The following DYM variants were observed in gnomAD, a reference collection of about 807,000 sequenced individuals.
The protein encoded by DYM is dyggve-Melchior-Clausen syndrome protein.
In DYM, 78 loss-of-function variants were observed where a neutral mutation model predicts 93.1. The ratio of observed to expected loss-of-function variants is 0.84; its 90% CI spans 0.70 to 1.01. The LOEUF is 1.01. DYM is among the 50% of genes least tolerant of loss of function. The pLI is 0.00. For synonymous variants in DYM, 321 were observed against 319.7 expected (o/e 1.00, Z -0.04); for missense variants, 789 against 845.0 (o/e 0.93, Z 0.82).
chr18:49,441,173 A>AATATAATATATATTATATATTATAT (rs2081483066), intron 1 of DYM, among the ~76,000 whole-genome samples: 2 of 19,686 alleles, frequency 1.0e-4, no homozygotes, highest in African/African-American at 1.8e-4. Flanking sequence ...TATATTATAT[A>AATATAATATATATTATATATTATAT]ATTATATATT....
intron 6 of DYM, among the ~76,000 whole-genome samples, chr18:49,345,196 A>C (rs989809499): frequency 4.6e-5 from 7 of 152,152 alleles, no homozygotes; most frequent in African/African-American, 1.7e-4. Flanking sequence ...CAGTTGTTAT[A>C]ATTTCCCACC....
At chr18:49,272,106 G>C in intron 11 of DYM, 72 bp downstream of exon 11, 1 of 1,332,866 alleles carries the variant, frequency 7.5e-7, no homozygotes, top group Admixed American at 1.8e-5. Context: ...GAAATGTAAA[G>C]ACTAGTAAAT....
intron 1 of DYM, among the ~76,000 whole-genome samples, chr18:49,452,143 T>C (rs2082569054): frequency 6.6e-6 from 1 of 152,228 alleles, no homozygotes; most frequent in Non-Finnish European, 1.5e-5. Flanking sequence ...CAAGGCGGCA[T>C]GTCCAGAGTT....
chr18:49,237,009 C>G (rs2093886948), intron 13 of DYM, among the ~76,000 whole-genome samples: 1 of 152,190 alleles, frequency 6.6e-6, no homozygotes, highest in Admixed American at 6.5e-5. Context: ...GAGAGAAACT[C>G]TCCTGCAGTT....
intron 14 of DYM, among the ~76,000 whole-genome samples, chr18:49,172,398 T>G (rs999742236): frequency 6.6e-6 from 1 of 151,986 alleles, no homozygotes; most frequent in African/African-American, 2.4e-5. Context: ...TTTGTTTCAC[T>G]CTATAAGAAA....
intron 14 of DYM, among the ~76,000 whole-genome samples, chr18:49,202,875 G>T (rs1426468573): frequency 1.8e-5 from 2 of 109,770 alleles, no homozygotes; most frequent in Non-Finnish European, 4.0e-5. Context: ...GTCTCCGCCC[G>T]GCAGCCACCC....
chr18:49,100,269 C>T (rs926363104), intron 16 of DYM, among the ~76,000 whole-genome samples: 13 of 152,112 alleles, frequency 8.5e-5, no homozygotes, highest in African/African-American at 2.4e-4. Context: ...GTGGAGCCAT[C>T]CGCTTTGATA....
intron 5 of DYM, among the ~76,000 whole-genome samples, chr18:49,365,756 G>C (rs2066464190): frequency 6.6e-6 from 1 of 152,148 alleles, no homozygotes; most frequent in Non-Finnish European, 1.5e-5. Flanking sequence ...TACGGAAGGT[G>C]AGAGACCAAG....
At chr18:49,424,091 C>G (rs2074016593) in intron 2 of DYM, among the ~76,000 whole-genome samples, 1 of 151,964 alleles carries the variant, frequency 6.6e-6, no homozygotes, top group Non-Finnish European at 1.5e-5. Flanking sequence ...AGAGACACAA[C>G]CAAAAACGAC....
At chr18:49,416,469 C>T (rs1477959132) in intron 2 of DYM, among the ~76,000 whole-genome samples, 1 of 152,196 alleles carries the variant, frequency 6.6e-6, no homozygotes, top group African/African-American at 2.4e-5. Flanking sequence ...ATTCAGGCTG[C>T]TGCTATACTG....
intron 16 of DYM, among the ~76,000 whole-genome samples, chr18:49,112,523 G>A (rs1210394162): frequency 6.6e-6 from 1 of 152,032 alleles, no homozygotes; most frequent in African/African-American, 2.4e-5. Context: ...AGACTATTTG[G>A]TTGTCCTGTG....
chr18:49,314,040 C>T (rs2061772418), intron 8 of DYM, among the ~76,000 whole-genome samples: 1 of 152,118 alleles, frequency 6.6e-6, no homozygotes, highest in Non-Finnish European at 1.5e-5. Context: ...TGCAGATCAC[C>T]TGAGGTCAGG....
chr18:49,123,966 T>C (rs920889650), intron 15 of DYM, among the ~76,000 whole-genome samples: 2 of 152,224 alleles, frequency 1.3e-5, no homozygotes, highest in Non-Finnish European at 2.9e-5. Context: ...TTCATGTATA[T>C]TTTATACACT....
At chr18:49,131,633 G>C (rs1044383963) in intron 15 of DYM, among the ~76,000 whole-genome samples, 2 of 152,164 alleles carry the variant, frequency 1.3e-5, no homozygotes, top group African/African-American at 4.8e-5. Context: ...CTTATTGGGG[G>C]TTAGGGCTTC....
intron 10 of DYM, among the ~76,000 whole-genome samples, chr18:49,281,400 C>T (rs1413218139): frequency 3.9e-5 from 6 of 152,178 alleles, no homozygotes; most frequent in Non-Finnish European, 8.8e-5. Context: ...TGTGGCAATT[C>T]CTCAGGGATC....
At chr18:49,190,989 A>G (rs2090915499) in intron 14 of DYM, among the ~76,000 whole-genome samples, 1 of 151,976 alleles carries the variant, frequency 6.6e-6, no homozygotes, top group East Asian at 1.9e-4. Flanking sequence ...CTTCTGGTCA[A>G]CAGTAGGCTA....
chr18:49,410,951 T>C (rs1323169762), intron 2 of DYM, among the ~76,000 whole-genome samples: 1 of 152,216 alleles, frequency 6.6e-6, no homozygotes, highest in Non-Finnish European at 1.5e-5. Flanking sequence ...TGCAAATAAA[T>C]TTGCTGAAAT....
intron 6 of DYM, among the ~76,000 whole-genome samples, chr18:49,334,847 T>C (rs1342185607): frequency 6.6e-6 from 1 of 152,258 alleles, no homozygotes; most frequent in Non-Finnish European, 1.5e-5. Context: ...GGCTCACGCC[T>C]GTAATCCCAG....
intron 17 of DYM, among the ~76,000 whole-genome samples, chr18:49,081,658 G>A (rs1470142176): frequency 1.3e-5 from 2 of 152,164 alleles, no homozygotes; most frequent in Non-Finnish European, 2.9e-5. Flanking sequence ...AGTTTGTTCT[G>A]CAGATGTGTG....
Sources: gnomAD v4.1 joint callset for allele counts (sites outside exome capture counted in the v4.1 genomes callset) on GRCh38, gnomAD v4.1.1 for gene constraint, MANE v1.5 for transcripts, NCBI Gene and HGNC (gene_info 2026-07-23, HGNC 2026-07-21) for gene names.